The following OSBPL10 variants were observed in gnomAD, a reference collection of about 807,000 sequenced individuals.
OSBPL10 encodes oxysterol-binding protein-related protein 10.
Under a neutral mutation model 81.7 loss-of-function variants are expected in OSBPL10, and 49 were observed. The observed-to-expected ratio is 0.60, with a 90% CI of 0.48 to 0.76. The LOEUF (loss-of-function observed/expected upper bound fraction) is 0.76. Ranked by LOEUF, OSBPL10 falls within the 30% of genes least tolerant of loss-of-function variation. The pLI is 0.00. For synonymous variants in OSBPL10, 419 were observed against 383.6 expected, an observed-to-expected ratio of 1.09 and a Z score of -1.08; for missense variants, 923 against 987.8, an observed-to-expected ratio of 0.93 and a Z score of 0.88.
chr3:31,866,248 T>C (rs1330069469), intron 3 of OSBPL10, among the ~76,000 whole-genome samples: 1 of 152,112 alleles, frequency 6.6e-6, no homozygotes, highest in Non-Finnish European at 1.5e-5. Flanking sequence ...AACCCTTTAA[T>C]TCCCCGGAAG....
intron 1 of OSBPL10, among the ~76,000 whole-genome samples, chr3:32,048,346 T>C (rs1699642330): frequency 6.8e-6 from 1 of 147,698 alleles, no homozygotes. Context: ...TTTCACTCAT[T>C]GCCCAGGCTG....
intron 1 of OSBPL10, among the ~76,000 whole-genome samples, chr3:31,894,518 C>T (rs938038772): frequency 6.6e-6 from 1 of 152,228 alleles, no homozygotes; most frequent in South Asian, 2.1e-4. Context: ...TTCATGGATT[C>T]CCATGGCCCT....
chr3:31,787,077 T>C (rs1035510823), intron 4 of OSBPL10, among the ~76,000 whole-genome samples: 1 of 152,250 alleles, frequency 6.6e-6, no homozygotes, highest in African/African-American at 2.4e-5. Context: ...ATGCCTGGCA[T>C]AGAATAAGCG....
At chr3:31,744,900 G>A (rs375347638) in intron 5 of OSBPL10, among the ~76,000 whole-genome samples, 6 of 152,006 alleles carry the variant, frequency 3.9e-5, no homozygotes, top group South Asian at 2.1e-4. Flanking sequence ...TGAGATTCTC[G>A]GAACGAGCCT....
intron 1 of OSBPL10, among the ~76,000 whole-genome samples, chr3:31,941,363 G>C (rs1346960693): frequency 6.6e-6 from 1 of 152,090 alleles, no homozygotes; most frequent in African/African-American, 2.4e-5. Context: ...TCTCAGGGAG[G>C]GCATCCTGAG....
chr3:31,745,434 A>G (rs531324177), intron 5 of OSBPL10, among the ~76,000 whole-genome samples: 2 of 152,340 alleles, frequency 1.3e-5, no homozygotes, highest in African/African-American at 4.8e-5. Context: ...GGGAATTTGA[A>G]GAAGGATATG....
intron 3 of OSBPL10, among the ~76,000 whole-genome samples, chr3:31,838,385 C>T (rs1292493169): frequency 2.0e-5 from 3 of 152,010 alleles, no homozygotes; most frequent in Non-Finnish European, 2.9e-5. Flanking sequence ...GTGGCGGCAG[C>T]CTGTAGTCCC....
intron 4 of OSBPL10, among the ~76,000 whole-genome samples, chr3:31,797,033 T>C (rs1256912422): frequency 6.7e-6 from 1 of 150,076 alleles, no homozygotes; most frequent in Non-Finnish European, 1.5e-5. Flanking sequence ...GCTTGCTCTG[T>C]TGCCAGGCTG....
At chr3:31,934,078 AAAAAAAAAAAAC>A (rs960947897) in intron 1 of OSBPL10, among the ~76,000 whole-genome samples, 7 of 94,966 alleles carry the variant, frequency 7.4e-5, no homozygotes, top group African/African-American at 1.2e-4. Flanking sequence ...CCTCTGTTTA[AAAAAAAAAAAAC>A]AAAAAAAAAA....
At chr3:31,937,290 A>G (rs1178457725) in intron 1 of OSBPL10, among the ~76,000 whole-genome samples, 2 of 152,064 alleles carry the variant, frequency 1.3e-5, no homozygotes, top group African/African-American at 2.4e-5. Flanking sequence ...AAAAAAAAAA[A>G]AAAGAAAGAA....
intron 4 of OSBPL10, chr3:31,795,876 A>T (rs1301568716): frequency 4.2e-6 from 1 of 240,694 alleles, no homozygotes; most frequent in African/African-American, 2.3e-5. Flanking sequence ...GTGGGAAATT[A>T]CTTAGCCAGA....
intron 7 of OSBPL10, among the ~76,000 whole-genome samples, chr3:31,696,683 C>T (rs561365531): frequency 6.6e-6 from 1 of 152,370 alleles, no homozygotes; most frequent in Non-Finnish European, 1.5e-5. Flanking sequence ...ATCTCCCTGA[C>T]CCCTCCATGT....
intron 3 of OSBPL10, among the ~76,000 whole-genome samples, chr3:31,852,187 C>A (rs763004371): frequency 6.6e-6 from 1 of 152,112 alleles, no homozygotes; most frequent in Non-Finnish European, 1.5e-5. Flanking sequence ...ATAAGACCTA[C>A]CCGCAAGATT....
rs536210026 is a variant in OSBPL10, at chr3:32,046,517, T to C, written n.272A>G. Reference sequence around the variant, plus strand: ...CAGGCATCTGCAATTTAAAGACTCTTCTTGCAGAATGAGTAGTTCTATTTC... The same window carrying C: ...CAGGCATCTGCAATTTAAAGACTCTCCTTGCAGAATGAGTAGTTCTATTTC... On this transcript the variant is annotated non_coding_transcript_exon_variant, in exon 2 of 4. Transcript: ENST00000479173. 3 of 152,216 alleles carry C rather than the reference T, an allele frequency of 2.0e-5. No individual in the cohort carries two copies. In the South Asian group the frequency reaches 6.2e-4, roughly 32 times the overall value. The allele number at this position is 152,216 out of a possible 1,614,324, so 9.4% of individuals were successfully genotyped here.
chr3:31,674,890 T>C (rs1489758052), intron 8 of OSBPL10, among the ~76,000 whole-genome samples: 8 of 152,252 alleles, frequency 5.3e-5, no homozygotes, highest in Non-Finnish European at 1.2e-4. Context: ...CGGATGACTC[T>C]GCCCAACGGC....
chr3:31,872,098 G>A (rs560329132), intron 3 of OSBPL10, among the ~76,000 whole-genome samples: 1 of 152,314 alleles, frequency 6.6e-6, no homozygotes, highest in South Asian at 2.1e-4. Context: ...CTTCCTGGCA[G>A]ACCAATCCCA....
intron 1 of OSBPL10, among the ~76,000 whole-genome samples, chr3:32,053,060 A>C (rs1360132923): frequency 6.6e-6 from 1 of 152,178 alleles, no homozygotes; most frequent in East Asian, 1.9e-4. Flanking sequence ...CCCCCTGGCT[A>C]TGCTGGAAAG....
rs1013472049 is a variant in OSBPL10 at position 31,770,398 on chromosome 3, T to C, written c.730-22278A>G. 3.9e-5 allele frequency among the ~76,000 whole-genome samples: 6 copies of C among 151,958 alleles called. 2 individuals are homozygous for C. Among genetic ancestry groups the C allele is most frequent in the Admixed American group, 1.3e-4 (2 of 15,304 alleles). On this transcript the variant is annotated intron_variant, in intron 4 of 11. Transcript: ENST00000396556. Reference sequence around the variant, plus strand: ...ATCCTGTGTGGTCTGTTCTCCTTGATGAACAGGTCATCTCTGTTTGTAAAG... The same window carrying C: ...ATCCTGTGTGGTCTGTTCTCCTTGACGAACAGGTCATCTCTGTTTGTAAAG...
chr3:32,074,190 T>G (rs1699855537), intron 1 of OSBPL10, among the ~76,000 whole-genome samples: 1 of 152,118 alleles, frequency 6.6e-6, no homozygotes, highest in South Asian at 2.1e-4. Flanking sequence ...AGGAACTTCT[T>G]TACTTTCTAG....
Sources: allele counts gnomAD v4.1 joint callset (sites outside exome capture counted in the v4.1 genomes callset), GRCh38; gene constraint gnomAD v4.1.1; transcripts MANE v1.5; gene names NCBI Gene and HGNC (gene_info 2026-07-23, HGNC 2026-07-21).